DPF3: variants seen among roughly 807,000 people sequenced by gnomAD.
DPF3 encodes zinc finger protein DPF3.
DPF3 carries 18 observed loss-of-function variants against 56.8 expected under a neutral mutation model. That is an observed-to-expected ratio of 0.32 (90% CI 0.22 to 0.47). DPF3 has a LOEUF of 0.47. Among genes scored for constraint, DPF3 ranks in the 20% least tolerant of loss-of-function variants. DPF3 has a pLI of 1.00. For missense variants in DPF3, 403 were observed against 488.8 expected, an observed-to-expected ratio of 0.82 and a Z score of 1.65; for synonymous variants, 188 against 180.2, an observed-to-expected ratio of 1.04 and a Z score of -0.35.
rs540842351 is a variant in DPF3 at position 72,786,761 on chromosome 14, C to G, written c.33-14868G>C. Among the ~76,000 whole-genome samples, 48 of 152,328 alleles carry G rather than the reference C, an allele frequency of 3.2e-4. 1 individual carries two copies. In the South Asian group the frequency reaches 9.9e-3, roughly 32 times the overall value. On this transcript the variant is annotated intron_variant, in intron 1 of 10. Coordinates refer to ENST00000556509, the MANE Select transcript of DPF3 (RefSeq NM_001280542.3). Reference sequence around the variant, plus strand: ...ACAACCTAATAAAAACCCATAAATACAGTTAATAATAAGGAAAACAAGCAC... The same window carrying G: ...ACAACCTAATAAAAACCCATAAATAGAGTTAATAATAAGGAAAACAAGCAC...
chr14:72,719,215 G>A (rs1889068678), intron 5 of DPF3, among the ~76,000 whole-genome samples: 2 of 151,708 alleles, frequency 1.3e-5, no homozygotes, highest in Admixed American at 1.3e-4. Flanking sequence ...AACCAGAGGT[G>A]CACACCGCTC....
chr14:72,741,559 C>A (rs1055643024), intron 3 of DPF3, among the ~76,000 whole-genome samples: 1 of 152,258 alleles, frequency 6.6e-6, no homozygotes, highest in Non-Finnish European at 1.5e-5. Flanking sequence ...CCACCCCAGG[C>A]CTCTCCTCTC....
chr14:72,813,202 G>A (rs1354967180), intron 1 of DPF3, among the ~76,000 whole-genome samples: 5 of 152,176 alleles, frequency 3.3e-5, no homozygotes, highest in Non-Finnish European at 7.3e-5. Context: ...CAGGAGAGGG[G>A]TTCAGGGGAC....
At chr14:72,648,577 A>G (rs1599326916) in intron 8 of DPF3, among the ~76,000 whole-genome samples, 1 of 151,342 alleles carries the variant, frequency 6.6e-6, no homozygotes. Flanking sequence ...AAGAAAAAAA[A>G]AAAAAAAAAA....
intron 6 of DPF3, among the ~76,000 whole-genome samples, chr14:72,703,349 G>A (rs1029961260): frequency 2.2e-4 from 34 of 152,114 alleles, no homozygotes; most frequent in African/African-American, 6.8e-4. Flanking sequence ...GGTGACCCAG[G>A]ATCTATCAAA....
At chr14:72,773,953 T>C (rs1343092369) in intron 1 of DPF3, 1 of 455,390 alleles carries the variant, frequency 2.2e-6, no homozygotes, top group Non-Finnish European at 4.4e-6. Context: ...TTCTGAATAA[T>C]GCTGCTATGA....
At chr14:72,871,620 G>A (rs1035922318) in intron 1 of DPF3, among the ~76,000 whole-genome samples, 16 of 152,184 alleles carry the variant, frequency 1.1e-4, no homozygotes, top group African/African-American at 2.9e-4. Context: ...GGGCAGCTCC[G>A]CCCCTGCAAA....
intron 6 of DPF3, among the ~76,000 whole-genome samples, chr14:72,699,799 G>A (rs926445388): frequency 3.3e-5 from 5 of 152,210 alleles, no homozygotes; most frequent in African/African-American, 1.2e-4. Context: ...GCCTGAGAAG[G>A]GTCAAGAAGG....
At chr14:72,774,012 C>T in intron 1 of DPF3, 1 of 453,426 alleles carries the variant, frequency 2.2e-6, no homozygotes, top group African/African-American at 2.0e-5. Flanking sequence ...AGGCTGGGCG[C>T]AGTGGCTCAT....
intron 6 of DPF3, 92 bp downstream of exon 6, chr14:72,714,331 T>C (rs1487766738): frequency 6.6e-7 from 1 of 1,507,384 alleles, no homozygotes; most frequent in African/African-American, 1.4e-5. Context: ...CACACTGAGG[T>C]TGGCAGGCGG....
intron 1 of DPF3, chr14:72,879,710 G>A (rs1886253684): frequency 1.4e-6 from 2 of 1,411,050 alleles, no homozygotes; most frequent in Non-Finnish European, 9.3e-7. Flanking sequence ...GACACCAGGG[G>A]AATGTGTGAC....
chr14:72,793,219 G>A (rs2139986729), intron 1 of DPF3, among the ~76,000 whole-genome samples: 1 of 152,340 alleles, frequency 6.6e-6, no homozygotes, highest in African/African-American at 2.4e-5. Flanking sequence ...GAAACCAAAA[G>A]TGTCACACCG....
At chr14:72,693,863 T>C (rs1887801103) in intron 6 of DPF3, among the ~76,000 whole-genome samples, 1 of 152,212 alleles carries the variant, frequency 6.6e-6, no homozygotes, top group Non-Finnish European at 1.5e-5. Context: ...TTTTGATGTC[T>C]CACCCAGCGA....
intron 6 of DPF3, among the ~76,000 whole-genome samples, chr14:72,696,685 C>T (rs1887913942): frequency 6.6e-6 from 1 of 152,218 alleles, no homozygotes; most frequent in South Asian, 2.1e-4. Context: ...AAGCAAAAAG[C>T]TCCCTCTATC....
At position 72,611,791 on chromosome 14, in the gene DPF3, C is replaced by T. The variant is rs149976366; in HGVS notation, c.*7506G>A. 4.2e-4 allele frequency among the ~76,000 whole-genome samples: 64 copies of T among 152,222 alleles called. No individual in the cohort carries two copies. Among genetic ancestry groups the T allele is most frequent in the African/African-American group, 1.4e-3 (57 of 41,542 alleles). On this transcript the variant is annotated 3_prime_UTR_variant, in exon 11 of 11. Coordinates refer to ENST00000556509, the MANE Select transcript of DPF3 (RefSeq NM_001280542.3). The stretch of plus-strand genomic sequence containing the variant: ...GCTGAGGTCATCTGTTTTCTTCCCC[C>T]GACCCCTCAGCCTCCACAGGGTAGA...
At chr14:72,822,995 C>G (rs1292328070) in intron 1 of DPF3, among the ~76,000 whole-genome samples, 2 of 152,234 alleles carry the variant, frequency 1.3e-5, no homozygotes, top group African/African-American at 2.4e-5. Flanking sequence ...CTAGAATCTT[C>G]TTTTGAGAGG....
chr14:72,792,649 C>T (rs1283169692), intron 1 of DPF3, among the ~76,000 whole-genome samples: 1 of 152,006 alleles, frequency 6.6e-6, no homozygotes, highest in East Asian at 1.9e-4. Flanking sequence ...TAACAAAGTA[C>T]TCCAAGGACC....
At chr14:72,636,346 G>T (rs746612277) in intron 8 of DPF3, among the ~76,000 whole-genome samples, 7 of 152,022 alleles carry the variant, frequency 4.6e-5, no homozygotes, top group Non-Finnish European at 1.0e-4. Context: ...CATGCTACAG[G>T]GTAATTTGAG....
intron 1 of DPF3, among the ~76,000 whole-genome samples, chr14:72,789,432 A>G (rs968409090): frequency 3.3e-5 from 5 of 152,152 alleles, no homozygotes; most frequent in African/African-American, 1.2e-4. Context: ...ACTCCACACC[A>G]CGCTGCCTCT....
Sources: gnomAD v4.1 joint callset for allele counts (sites outside exome capture counted in the v4.1 genomes callset) on GRCh38, gnomAD v4.1.1 for gene constraint, MANE v1.5 for transcripts, NCBI Gene and HGNC (gene_info 2026-07-23, HGNC 2026-07-21) for gene names.